SUCLG1: variants seen among roughly 807,000 people sequenced by gnomAD.
SUCLG1 encodes the protein succinate--CoA ligase [ADP/GDP-forming] subunit alpha, mitochondrial.
In SUCLG1, 26 loss-of-function variants were observed where a neutral mutation model predicts 37.3. That is an observed-to-expected ratio of 0.70 (90% CI 0.51 to 0.97). The LOEUF (loss-of-function observed/expected upper bound fraction) is 0.97, where lower values mean the gene tolerates loss of function less well. Ranked by LOEUF, SUCLG1 falls within the 50% of genes least tolerant of loss-of-function variation. The pLI is 0.00. For missense variants in SUCLG1, 433 were observed against 432.9 expected, an observed-to-expected ratio of 1.00 and a Z score of 0.00; for synonymous variants, 163 against 155.6, an observed-to-expected ratio of 1.05 and a Z score of -0.36.
intron 1 of SUCLG1, among the ~76,000 whole-genome samples, chr2:84,457,765 C>T (rs1362664830): frequency 6.6e-6 from 1 of 152,152 alleles, no homozygotes; most frequent in Non-Finnish European, 1.5e-5. Flanking sequence ...ATCCAATATA[C>T]TTCATTCTTG....
intron 2 of SUCLG1, among the ~76,000 whole-genome samples, chr2:84,445,512 C>T (rs1394749072): frequency 2.0e-5 from 3 of 152,180 alleles, no homozygotes; most frequent in Admixed American, 2.0e-4. Flanking sequence ...TAGCAGGCAT[C>T]TCAAACTCAA....
chr2:84,455,426 AGAG>A (rs1329175313), intron 1 of SUCLG1, among the ~76,000 whole-genome samples: 4 of 151,520 alleles, frequency 2.6e-5, no homozygotes, highest in African/African-American at 9.7e-5. Context: ...CCCAGGAGGC[AGAG>A]GATGCGGTGA....
intron 1 of SUCLG1, among the ~76,000 whole-genome samples, chr2:84,453,198 T>C (rs905484482): frequency 4.6e-5 from 7 of 152,098 alleles, no homozygotes; most frequent in Admixed American, 2.0e-4. Context: ...AAACACACCA[T>C]AGGCAGAGTT....
chr2:84,424,609 G>C (rs888919505), intron 8 of SUCLG1, among the ~76,000 whole-genome samples: 4 of 152,142 alleles, frequency 2.6e-5, no homozygotes, highest in Non-Finnish European at 4.4e-5. Context: ...TCTGAATGCT[G>C]TTCCCTTCTA....
intron 7 of SUCLG1, among the ~76,000 whole-genome samples, chr2:84,430,015 A>G (rs912778426): frequency 1.7e-4 from 26 of 152,214 alleles, no homozygotes; most frequent in Admixed American, 1.7e-3. Context: ...GAAACAGGAT[A>G]AGAGAGAAAT....
At position 84,448,159 on chromosome 2, in the gene SUCLG1, CAGTT is replaced by C. The variant is rs1431318675; in HGVS notation, c.201+1486_201+1489del. Among the ~76,000 whole-genome samples, 9 of 117,896 alleles carry C rather than the reference CAGTT, an allele frequency of 7.6e-5. No individual in the cohort carries two copies. In the South Asian group the frequency reaches 2.8e-3, roughly 37 times the overall value. The allele number at this position is 117,896 out of a possible 152,430, so 77.3% of individuals were successfully genotyped here. ...GTCCACTGCAACACATTCGTGTGCT[CAGTT>C]ATTTCAGAAAAAAAAAAAAACAAAA... On this transcript the variant is annotated intron_variant, in intron 2 of 8. Transcript: ENST00000393868.
intron 3 of SUCLG1, 88 bp downstream of exon 3, chr2:84,443,196 A>G (rs1672800336): frequency 4.1e-6 from 5 of 1,212,658 alleles, no homozygotes; most frequent in Non-Finnish European, 6.1e-6. Flanking sequence ...TGACTCTACC[A>G]AAAAAACATA....
intron 6 of SUCLG1, chr2:84,432,797 A>T (rs888974425): frequency 1.3e-5 from 2 of 152,378 alleles, no homozygotes; most frequent in Non-Finnish European, 2.9e-5. Context: ...ACAAATAATG[A>T]AATTATTTTA....
intron 2 of SUCLG1, among the ~76,000 whole-genome samples, chr2:84,448,056 T>C (rs2104261865): frequency 6.6e-6 from 1 of 151,650 alleles, no homozygotes; most frequent in African/African-American, 2.4e-5. Context: ...CAAAGTTTCA[T>C]GGTTTTATGG....
chr2:84,427,781 G>A (rs1029972671), intron 7 of SUCLG1, among the ~76,000 whole-genome samples: 2 of 152,106 alleles, frequency 1.3e-5, no homozygotes, highest in African/African-American at 2.4e-5. Context: ...CCATGAAAAG[G>A]GCAGCTAGTT....
Position 84,423,648 on chromosome 2 carries a change from C to T in SUCLG1, c.*98G>A, listed in dbSNP as rs976162090. On this transcript the variant is annotated 3_prime_UTR_variant, in exon 9 of 9. Transcript: ENST00000393868. ...GTTGTACTGCAAGACCAGTGTCAGG[C>T]ACATAGGCTGATTAATCAGTGGACA... 6.5e-6 allele frequency: 8 copies of T among 1,228,338 alleles called. No homozygotes were observed. In the African/African-American group the frequency reaches 1.2e-4, roughly 18 times the overall value. The allele number at this position is 1,228,338 out of a possible 1,614,324, so 76.1% of individuals were successfully genotyped here.
chr2:84,425,720 T>G lies in SUCLG1; in HGVS notation c.826-117A>C, dbSNP rs1672527746. Reference sequence around the variant, plus strand: ...GCTTGGGCAGGGGAAAGCCCACCATTCATCTTAGGAAAACCAACACAAATA... The same window carrying G: ...GCTTGGGCAGGGGAAAGCCCACCATGCATCTTAGGAAAACCAACACAAATA... On this transcript the variant is annotated intron_variant, in intron 7 of 8. Transcript: ENST00000393868. The G allele has an allele frequency of 5.2e-6, 6 of 1,147,476 alleles. No individual in the cohort carries two copies. In the East Asian group the frequency reaches 1.4e-4, roughly 27 times the overall value. 71.1% of individuals were successfully genotyped at this position (1,147,476 alleles called of 1,614,324 possible).
intron 2 of SUCLG1, among the ~76,000 whole-genome samples, chr2:84,449,375 T>C (rs977434460): frequency 6.6e-6 from 1 of 152,176 alleles, no homozygotes; most frequent in African/African-American, 2.4e-5. Context: ...AAATCATTAG[T>C]GTTGTATTTG....
At chr2:84,439,191 A>T (rs951184127) in intron 5 of SUCLG1, among the ~76,000 whole-genome samples, 19 of 146,604 alleles carry the variant, frequency 1.3e-4, no homozygotes, top group East Asian at 5.9e-4. Context: ...CTTTTTTTTA[A>T]AAAAAAAAAA....
chr2:84,433,755 T>C (rs1433367866), intron 5 of SUCLG1: 1 of 370,760 alleles, frequency 2.7e-6, no homozygotes, highest in Admixed American at 4.1e-5. Flanking sequence ...AGTATAAATT[T>C]GGTAGGTACT....
rs140441011 is a variant in SUCLG1, at chr2:84,443,304, C to G, written c.298G>C (p.Val100Leu). Reference sequence around the variant, plus strand: ...ATTACCTCCTTCACAGTATTAAAGACAGGTAAGCCCAGATGTGTCTGGCCT... The same window carrying G: ...ATTACCTCCTTCACAGTATTAAAGAGAGGTAAGCCCAGATGTGTCTGGCCT... ...KGGQTHLGLPVFNTVKEAKEQ... is the reference protein window; with the variant it reads ...KGGQTHLGLPLFNTVKEAKEQ... Residue 100 changes from valine (V) to leucine (L), a missense_variant, in exon 3 of 9, where the codon GTC becomes CTC. By Grantham distance (32) the Val-to-Leu change is conservative. Transcript: ENST00000393868. The G allele has an allele frequency of 8.1e-5, 131 of 1,614,122 alleles. No individual in the cohort carries two copies. The highest frequency in any genetic ancestry group is 3.3e-4 in the Middle Eastern group (2 of 6,056).
chr2:84,430,085 G>A (rs141762519), intron 7 of SUCLG1, among the ~76,000 whole-genome samples: 47 of 152,316 alleles, frequency 3.1e-4, no homozygotes, highest in African/African-American at 1.1e-3. Context: ...TCCAGGGAAT[G>A]ATAAAGAGGA....
Position 84,425,854 on chromosome 2 carries a change from C to T in SUCLG1, c.826-251G>A. Reference sequence around the variant, plus strand: ...GTATCTGTTCAATATAAAACTTCCACTTCACAAATACACATGACGCTATCA... The same window carrying T: ...GTATCTGTTCAATATAAAACTTCCATTTCACAAATACACATGACGCTATCA... On this transcript the variant is annotated intron_variant, in intron 7 of 8. Transcript: ENST00000393868. The T allele has an allele frequency of 5.7e-6, 3 of 525,264 alleles. No individual in the cohort carries two copies. In the South Asian group the frequency reaches 6.3e-5, roughly 11 times the overall value. The allele number at this position is 525,264 out of a possible 1,614,324, so 32.5% of individuals were successfully genotyped here. A position where few individuals can be genotyped will look rare whatever the true frequency, so the allele number is the denominator to read the frequency against.
At chr2:84,434,302 A>C (rs530851522) in intron 5 of SUCLG1, among the ~76,000 whole-genome samples, 45 of 152,318 alleles carry the variant, frequency 3.0e-4, no homozygotes, top group African/African-American at 9.4e-4. Flanking sequence ...CTATTTTCCC[A>C]ATGATTTTCA....
Sources: allele counts gnomAD v4.1 joint callset (sites outside exome capture counted in the v4.1 genomes callset), GRCh38; gene constraint gnomAD v4.1.1; transcripts MANE v1.5; gene names NCBI Gene and HGNC (gene_info 2026-07-23, HGNC 2026-07-21).